The following LRFN2 variants were observed in gnomAD, a reference collection of about 807,000 sequenced individuals.
LRFN2 encodes leucine-rich repeat and fibronectin type-III domain-containing protein 2.
In LRFN2, 18 loss-of-function variants were observed where a neutral mutation model predicts 37.3. The ratio of observed to expected loss-of-function variants is 0.48; its 90% CI spans 0.33 to 0.72. The LOEUF is 0.72. Ranked by LOEUF, LRFN2 falls within the 30% of genes least tolerant of loss-of-function variation. The pLI is 0.02. For synonymous variants in LRFN2, 556 were observed against 466.6 expected (o/e 1.19, Z -2.47); for missense variants, 1,006 against 1,060.7 (o/e 0.95, Z 0.72).
intron 1 of LRFN2, chr6:40,524,029 T>A (rs1301557948): frequency 6.6e-6 from 1 of 152,056 alleles, no homozygotes; most frequent in Non-Finnish European, 1.5e-5. Flanking sequence ...CAGCCCAAGC[T>A]GCATGGCACT....
At chr6:40,478,279 G>A (rs147014906) in intron 1 of LRFN2, among the ~76,000 whole-genome samples, 92 of 152,296 alleles carry the variant, frequency 6.0e-4, no homozygotes, top group African/African-American at 2.2e-3. Context: ...GGAGACCAAT[G>A]CTATTATTGG....
chr6:40,445,646 A>G (rs1331571643), intron 1 of LRFN2, among the ~76,000 whole-genome samples: 2 of 152,374 alleles, frequency 1.3e-5, no homozygotes, highest in South Asian at 4.1e-4. Context: ...AACCTTTTAA[A>G]GGAAGCATCC....
rs144717731 is a variant in LRFN2, at chr6:40,549,619, C to A, written c.-19+37322G>T. 4.6e-3 allele frequency among the ~76,000 whole-genome samples: 705 copies of A among 152,222 alleles called. 2 individuals are homozygous for A. The highest frequency in any genetic ancestry group is 0.016 in the African/African-American group (647 of 41,534). ...TCCTGAGATTATGATAATCTGGAGT[C>A]TGGTAGGGATGGAAAAGTGATGCTA... is the stretch of plus-strand genomic sequence containing the variant. On this transcript the variant is annotated intron_variant, in intron 1 of 2. Coordinates refer to ENST00000338305, the MANE Select transcript of LRFN2 (RefSeq NM_020737.3).
At chr6:40,449,679 G>T (rs148138727) in intron 1 of LRFN2, among the ~76,000 whole-genome samples, 1 of 152,130 alleles carries the variant, frequency 6.6e-6, no homozygotes, top group Non-Finnish European at 1.5e-5. Context: ...CCCACAGTTT[G>T]TCTCTTTTTT....
At chr6:40,567,497 C>T (rs906279473) in intron 1 of LRFN2, among the ~76,000 whole-genome samples, 11 of 152,118 alleles carry the variant, frequency 7.2e-5, no homozygotes, top group Non-Finnish European at 1.2e-4. Flanking sequence ...CCTTAAAACA[C>T]GTGATTACAA....
At chr6:40,549,839 A>C (rs1581790374) in intron 1 of LRFN2, among the ~76,000 whole-genome samples, 1 of 152,010 alleles carries the variant, frequency 6.6e-6, no homozygotes, top group South Asian at 2.1e-4. Flanking sequence ...GGAGTTCAAA[A>C]CCAGCCTGGC....
intron 1 of LRFN2, among the ~76,000 whole-genome samples, chr6:40,528,332 C>T (rs925548729): frequency 1.2e-3 from 181 of 152,208 alleles, no homozygotes; most frequent in African/African-American, 4.3e-3. Flanking sequence ...ACTGTAGATG[C>T]CCATGGGAAG....
intron 1 of LRFN2, among the ~76,000 whole-genome samples, chr6:40,510,598 T>C (rs1765678657): frequency 6.6e-6 from 1 of 151,936 alleles, no homozygotes; most frequent in Non-Finnish European, 1.5e-5. Context: ...CAGTGAGGAG[T>C]GGGGTGATAA....
At chr6:40,456,620 G>A (rs775995134) in intron 1 of LRFN2, among the ~76,000 whole-genome samples, 14 of 152,134 alleles carry the variant, frequency 9.2e-5, no homozygotes, top group Non-Finnish European at 1.5e-4. Context: ...CATATTGGTT[G>A]GCTTGTTTGA....
chr6:40,491,099 G>A (rs1374673192), intron 1 of LRFN2, among the ~76,000 whole-genome samples: 2 of 152,198 alleles, frequency 1.3e-5, no homozygotes, highest in Non-Finnish European at 2.9e-5. Context: ...GCAGGTCATT[G>A]AGAGAGCTTT....
At chr6:40,550,897 G>A (rs139943781) in intron 1 of LRFN2, among the ~76,000 whole-genome samples, 235 of 152,324 alleles carry the variant, frequency 1.5e-3, no homozygotes, top group African/African-American at 5.1e-3. Context: ...CATGGGGTGA[G>A]TATATCATAT....
intron 1 of LRFN2, among the ~76,000 whole-genome samples, chr6:40,447,675 T>C (rs187710855): frequency 6.6e-6 from 1 of 152,350 alleles, no homozygotes; most frequent in Admixed American, 6.5e-5. Flanking sequence ...ATTTTCTGCC[T>C]TAACACATTT....
intron 1 of LRFN2, among the ~76,000 whole-genome samples, chr6:40,574,681 C>A (rs548808473): frequency 3.3e-5 from 5 of 152,144 alleles, no homozygotes; most frequent in African/African-American, 1.2e-4. Context: ...CAGGTACCTG[C>A]GGCTCCAGAA....
rs560967401 is a variant in LRFN2 at position 40,468,618 on chromosome 6, C to T, written c.-18-35487G>A. On this transcript the variant is annotated intron_variant, in intron 1 of 2. Coordinates refer to ENST00000338305, the MANE Select transcript of LRFN2 (RefSeq NM_020737.3). ...GTGAGATTAAACCAGATCTGGGGGC[C>T]TGAAGTTCAAAGAGGAAAAACAGTA... Among the ~76,000 whole-genome samples the T allele has an allele frequency of 6.6e-5, 10 of 151,772 alleles. No homozygotes were observed. The South Asian group carries it at 1.9e-3, about 28-fold the overall frequency.
chr6:40,497,322 G>C (rs1765251845), intron 1 of LRFN2, among the ~76,000 whole-genome samples: 1 of 152,002 alleles, frequency 6.6e-6, no homozygotes. Context: ...TCTCCTCTTA[G>C]TCAACCAGGC....
At chr6:40,583,833 C>T (rs1409164683) in intron 1 of LRFN2, among the ~76,000 whole-genome samples, 1 of 152,116 alleles carries the variant, frequency 6.6e-6, no homozygotes, top group Non-Finnish European at 1.5e-5. Flanking sequence ...TGAGGTCACC[C>T]TTGGGGGAGT....
chr6:40,533,180 G>T (rs200999115), intron 1 of LRFN2, among the ~76,000 whole-genome samples: 1 of 146,522 alleles, frequency 6.8e-6, no homozygotes, highest in East Asian at 2.0e-4. Flanking sequence ...CTGTCTCTCT[G>T]TCTCTCTTTC....
intron 1 of LRFN2, among the ~76,000 whole-genome samples, chr6:40,522,432 A>G (rs1043508355): frequency 1.4e-4 from 21 of 152,088 alleles, no homozygotes; most frequent in African/African-American, 5.1e-4. Flanking sequence ...CCCAATCTCA[A>G]GGGAAGCTGG....
rs190650632 is a variant in LRFN2, at chr6:40,443,741, A to T, written c.-18-10610T>A. Among the ~76,000 whole-genome samples the T allele has an allele frequency of 1.4e-3, 209 of 152,294 alleles. 1 individual carries two copies. The highest frequency in any genetic ancestry group is 4.8e-3 in the African/African-American group (200 of 41,570). ...GCAGCAGCTGAAGGATGTTTGATGA[A>T]GGGACCATTTAGAGAGATGTGGGCA... On this transcript the variant is annotated intron_variant, in intron 1 of 2. Coordinates refer to ENST00000338305, the MANE Select transcript of LRFN2 (RefSeq NM_020737.3).
Sources: gnomAD v4.1 joint callset for allele counts (sites outside exome capture counted in the v4.1 genomes callset) on GRCh38, gnomAD v4.1.1 for gene constraint, MANE v1.5 for transcripts, NCBI Gene and HGNC (gene_info 2026-07-23, HGNC 2026-07-21) for gene names.